Variants in RBFOX1 observed in about 807,000 individuals in gnomAD.
The protein encoded by RBFOX1 is RNA binding fox-1 homolog 1, also known as RNA binding protein fox-1 homolog 1.
A neutral mutation model predicts 57.7 loss-of-function variants in RBFOX1; 8 were observed. The observed-to-expected ratio is 0.14, with a 90% CI of 0.08 to 0.25. RBFOX1 has a LOEUF of 0.25. RBFOX1 is among the 10% of genes least tolerant of loss of function. RBFOX1 has a pLI of 1.00. For synonymous variants in RBFOX1, 326 were observed against 222.4 expected (o/e 1.47, Z -4.15); for missense variants, 611 against 548.5 (o/e 1.11, Z -1.14).
chr16:7,579,756 G>A (rs759817559), intron 5 of RBFOX1, 21 bp from the exon 6 acceptor site: 28 of 1,613,742 alleles, frequency 1.7e-5, no homozygotes, highest in East Asian at 1.3e-4. Flanking sequence ...GAACCTCTTC[G>A]GTTTCTTCTT....
chr16:6,183,389 A>G (rs1198907108), intron 1 of RBFOX1, among the ~76,000 whole-genome samples: 1 of 151,974 alleles, frequency 6.6e-6, no homozygotes, highest in East Asian at 1.9e-4. Flanking sequence ...CTGAGGCAGG[A>G]TAATAGCTTG....
chr16:6,706,928 G>A (rs547633163), intron 3 of RBFOX1, among the ~76,000 whole-genome samples: 1 of 152,070 alleles, frequency 6.6e-6, no homozygotes, highest in African/African-American at 2.4e-5. Context: ...TGTACAAGCT[G>A]TATAGTCACT....
intron 1 of RBFOX1, chr16:5,366,591 C>A (rs1178079542): frequency 7.8e-6 from 3 of 384,864 alleles, no homozygotes; most frequent in Non-Finnish European, 1.5e-5. Flanking sequence ...ATTCTTTTCC[C>A]AGAGAGGAAG....
At chr16:7,274,950 C>G (rs528893738) in intron 4 of RBFOX1, among the ~76,000 whole-genome samples, 1 of 152,214 alleles carries the variant, frequency 6.6e-6, no homozygotes, top group East Asian at 1.9e-4. Flanking sequence ...TCCCAAAGTG[C>G]TGGAATTAGA....
chr16:7,510,778 C>T (rs1600457879), intron 4 of RBFOX1, among the ~76,000 whole-genome samples: 1 of 152,136 alleles, frequency 6.6e-6, no homozygotes, highest in Non-Finnish European at 1.5e-5. Flanking sequence ...AAGCAACCAT[C>T]AAGAATGGAT....
intron 3 of RBFOX1, among the ~76,000 whole-genome samples, chr16:6,862,429 C>T (rs1363494345): frequency 2.0e-5 from 3 of 152,156 alleles, no homozygotes; most frequent in South Asian, 4.2e-4. Context: ...TCCTTTCATT[C>T]GGTGCTATGG....
At chr16:6,008,695 C>T (rs1289184242) in intron 4 of RBFOX1, among the ~76,000 whole-genome samples, 1 of 152,160 alleles carries the variant, frequency 6.6e-6, no homozygotes, top group Non-Finnish European at 1.5e-5. Flanking sequence ...GAAAGATGGA[C>T]ACAGCACCCT....
chr16:6,740,957 C>T (rs1435391420), intron 3 of RBFOX1, among the ~76,000 whole-genome samples: 2 of 152,148 alleles, frequency 1.3e-5, no homozygotes, highest in African/African-American at 4.8e-5. Context: ...AACCAGTCTA[C>T]CTAGTTTCAA....
At chr16:6,367,191 G>A (rs1340691211) in intron 2 of RBFOX1, among the ~76,000 whole-genome samples, 1 of 152,214 alleles carries the variant, frequency 6.6e-6, no homozygotes, top group East Asian at 1.9e-4. Context: ...CACAGGTTAT[G>A]CTGAATTGTA....
At chr16:6,801,659 C>T (rs77625436) in intron 3 of RBFOX1, among the ~76,000 whole-genome samples, 22 of 151,830 alleles carry the variant, frequency 1.4e-4, no homozygotes, top group Non-Finnish European at 2.8e-4. Context: ...GTTTCTGGAC[C>T]AAACTGAGGG....
At chr16:6,631,000 C>G (rs934800907) in intron 2 of RBFOX1, among the ~76,000 whole-genome samples, 4 of 152,078 alleles carry the variant, frequency 2.6e-5, no homozygotes, top group South Asian at 2.1e-4. Context: ...ATACTTGGAC[C>G]TAACTCCTTG....
chr16:7,094,620 C>G (rs1045001615), intron 4 of RBFOX1, among the ~76,000 whole-genome samples: 3 of 111,960 alleles, frequency 2.7e-5, no homozygotes, highest in African/African-American at 7.2e-5. Context: ...TCCTGCATTT[C>G]TTTTGAAGTT....
rs148086533 is a variant in RBFOX1 at position 5,882,459 on chromosome 16, T to A, written c.351+15124T>A. ...AACTCAGTCACTTGGTCTCATAAAC[T>A]GCAAGGGTGCCTGGGAAATGTAGTC... On this transcript the variant is annotated intron_variant, in intron 4 of 19. Transcript: ENST00000641259. Among the ~76,000 whole-genome samples the A allele has an allele frequency of 3.4e-3, 520 of 152,262 alleles. 1 individual carries two copies. The highest frequency in any genetic ancestry group is 6.1e-3 in the Non-Finnish European group (416 of 68,018).
At chr16:6,976,582 C>G (rs1042631277) in intron 3 of RBFOX1, among the ~76,000 whole-genome samples, 3 of 151,714 alleles carry the variant, frequency 2.0e-5, no homozygotes, top group Non-Finnish European at 2.9e-5. Flanking sequence ...GAAAGAACAG[C>G]TACTTCATAG....
intron 4 of RBFOX1, among the ~76,000 whole-genome samples, chr16:7,285,687 T>C (rs930813022): frequency 5.3e-5 from 8 of 152,306 alleles, no homozygotes; most frequent in South Asian, 2.1e-4. Context: ...TGGAGACTCA[T>C]TGAAACTGCT....
intron 4 of RBFOX1, among the ~76,000 whole-genome samples, chr16:7,370,670 T>G (rs2097549244): frequency 6.6e-6 from 1 of 152,240 alleles, no homozygotes. Context: ...ATGATCTGAT[T>G]ATCTTGCTAG....
chr16:5,634,555 T>G (rs1191299695), intron 3 of RBFOX1, among the ~76,000 whole-genome samples: 2 of 152,240 alleles, frequency 1.3e-5, no homozygotes, highest in African/African-American at 2.4e-5. Context: ...CTATCCCTTC[T>G]GGAATTGAGC....
rs761673597 is a variant in RBFOX1 at position 7,206,131 on chromosome 16, C to T, written c.27+154033C>T. ...CTTACCTGATAGTCTAATTTAGAAA[C>T]ATAATCTTGTACACACAGTAATATT... On this transcript the variant is annotated intron_variant, in intron 4 of 15. Transcript: ENST00000550418. Among the ~76,000 whole-genome samples the T allele has an allele frequency of 2.6e-5, 4 of 152,148 alleles. No homozygotes were observed. The East Asian group carries it at 5.8e-4, about 22-fold the overall frequency.
chr16:7,068,671 C>G (rs1372786480), intron 4 of RBFOX1, among the ~76,000 whole-genome samples: 1 of 152,188 alleles, frequency 6.6e-6, no homozygotes, highest in East Asian at 1.9e-4. Context: ...ATTGCAACCT[C>G]TGCCCCTCCG....
Sources: allele counts gnomAD v4.1 joint callset (sites outside exome capture counted in the v4.1 genomes callset), GRCh38; gene constraint gnomAD v4.1.1; transcripts MANE v1.5; gene names NCBI Gene and HGNC (gene_info 2026-07-23, HGNC 2026-07-21).